BBS7: variants seen among roughly 807,000 people sequenced by gnomAD.
The protein encoded by BBS7 is Bardet-Biedl syndrome 7.
A neutral mutation model predicts 90.3 loss-of-function variants in BBS7; 50 were observed. The ratio of observed to expected loss-of-function variants is 0.55; its 90% CI spans 0.44 to 0.70. The LOEUF is 0.70. BBS7 is among the 30% of genes least tolerant of loss of function. The pLI, the probability that BBS7 is intolerant of heterozygous loss-of-function variation, is 0.00. For missense variants in BBS7, 729 were observed against 838.9 expected (o/e 0.87, Z 1.62); for synonymous variants, 235 against 287.4 (o/e 0.82, Z 1.85).
intron 8 of BBS7, among the ~76,000 whole-genome samples, chr4:121,850,108 T>C (rs1317979488): frequency 1.3e-5 from 2 of 151,948 alleles, no homozygotes; most frequent in African/African-American, 4.8e-5. Context: ...TAGGAATCTG[T>C]ATTTTTTTTT....
intron 4 of BBS7, among the ~76,000 whole-genome samples, chr4:121,860,294 A>G (rs1323180490): frequency 6.6e-6 from 1 of 152,060 alleles, no homozygotes; most frequent in Non-Finnish European, 1.5e-5. Flanking sequence ...TATTGTTGAC[A>G]TGAGTGGGGA....
At chr4:121,841,051 G>T (rs1725713677) in intron 12 of BBS7, among the ~76,000 whole-genome samples, 1 of 152,102 alleles carries the variant, frequency 6.6e-6, no homozygotes, top group African/African-American at 2.4e-5. Context: ...TGTTGGCCAG[G>T]CTGGTCTTGA....
At chr4:121,830,982 C>T (rs893020207) in intron 15 of BBS7, among the ~76,000 whole-genome samples, 1 of 151,700 alleles carries the variant, frequency 6.6e-6, no homozygotes, top group African/African-American at 2.4e-5. Context: ...CTGAGGCAGG[C>T]AGATCACGAG....
intron 7 of BBS7, 105 bp downstream of exon 7, chr4:121,854,599 T>C: frequency 9.1e-7 from 1 of 1,099,534 alleles, no homozygotes; most frequent in East Asian, 3.0e-5. Flanking sequence ...TGTGAATTGC[T>C]AAGTCTGCTA....
Position 121,861,577 on chromosome 4 carries a change from T to C in BBS7, c.268A>G (p.Ile90Val), listed in dbSNP as rs1197411330. ...EKIFIAAASE[I>V]RGFTKRGKQF... ...TTTCCTCTTTTTGTGAAGCCTCTAA[T>C]CTCAGATGCTGCAGCAATAAAAATT... is the stretch of plus-strand genomic sequence containing the variant. The change falls in exon 4 of 19, where the codon ATT becomes GTT. Residue 90 changes from isoleucine (I) to valine (V), a missense_variant. By Grantham distance (29) the Ile-to-Val change is conservative. Coordinates refer to ENST00000264499, the MANE Select transcript of BBS7 (RefSeq NM_176824.3). 4 of 1,613,758 alleles carry C rather than the reference T, an allele frequency of 2.5e-6. No homozygotes were observed. In the African/African-American group the frequency reaches 5.3e-5, roughly 22 times the overall value.
intron 15 of BBS7, among the ~76,000 whole-genome samples, chr4:121,831,511 T>C (rs1256450021): frequency 6.6e-6 from 1 of 151,632 alleles, no homozygotes; most frequent in African/African-American, 2.4e-5. Context: ...ATAAACAGTT[T>C]TGAATCTTAA....
chr4:121,867,345 T>C (rs1727342103), intron 2 of BBS7, among the ~76,000 whole-genome samples: 1 of 152,150 alleles, frequency 6.6e-6, no homozygotes, highest in African/African-American at 2.4e-5. Flanking sequence ...TTTCTATATA[T>C]AGGATCATGT....
chr4:121,843,050 G>T (rs528056404), intron 12 of BBS7, among the ~76,000 whole-genome samples: 1 of 152,206 alleles, frequency 6.6e-6, no homozygotes, highest in East Asian at 1.9e-4. Flanking sequence ...CCAATGCAGG[G>T]ATGTGTGAAA....
At chr4:121,844,533 G>GC (rs1553932404) in intron 11 of BBS7, among the ~76,000 whole-genome samples, 5 of 149,542 alleles carry the variant, frequency 3.3e-5, no homozygotes, top group Admixed American at 1.3e-4. Context: ...CTGCCTTTAG[G>GC]TTTTTTTTTT....
intron 10 of BBS7, 55 bp from the exon 11 acceptor site, chr4:121,845,751 T>C: frequency 6.8e-7 from 1 of 1,462,630 alleles, no homozygotes; most frequent in Non-Finnish European, 9.5e-7. Context: ...TTTGAGGTCG[T>C]TAGGATGTTT....
In BBS7 at chr4:121,839,673, G is replaced by A; in HGVS notation, c.1329C>T (p.Ala443=). ...DSESNDNFLL[A]TYRCQADTTR... ...TAGTATCTGCCTGGCACCGATAAGT[G>A]GCAAGAAGGAAGTTGTCGTTTGACT... Residue 443 remains alanine (A), a synonymous_variant, in exon 13 of 19, where the codon GCC becomes GCT. Coordinates refer to ENST00000264499, the MANE Select transcript of BBS7 (RefSeq NM_176824.3). 5 of 1,613,800 alleles carry A rather than the reference G, an allele frequency of 3.1e-6. No individual in the cohort carries two copies. Among genetic ancestry groups the A allele is most frequent in the Non-Finnish European group, 4.2e-6 (5 of 1,179,792 alleles).
intron 18 of BBS7, among the ~76,000 whole-genome samples, chr4:121,827,005 C>G (rs956409089): frequency 6.6e-6 from 1 of 151,940 alleles, no homozygotes. Context: ...AACAAACAAA[C>G]AAAAAATATA....
intron 2 of BBS7, among the ~76,000 whole-genome samples, chr4:121,864,678 C>T (rs910113116): frequency 6.6e-6 from 1 of 151,916 alleles, no homozygotes; most frequent in East Asian, 1.9e-4. Flanking sequence ...GGTGCTGAGA[C>T]CAAAAATTTT....
At chr4:121,863,339 T>C (rs914612490) in intron 2 of BBS7, 60 bp from the exon 3 acceptor site, 6 of 1,394,930 alleles carry the variant, frequency 4.3e-6, no homozygotes, top group Non-Finnish European at 5.1e-6. Flanking sequence ...CTAATAATTA[T>C]ATACAGGGAA....
chr4:121,860,980 T>C (rs1165279099), intron 4 of BBS7, among the ~76,000 whole-genome samples: 1 of 152,166 alleles, frequency 6.6e-6, no homozygotes, highest in Non-Finnish European at 1.5e-5. Context: ...ATATAAGAAA[T>C]AATGAATTAG....
chr4:121,839,160 C>T lies in BBS7; in HGVS notation c.1371+471G>A, dbSNP rs113584898. Reference sequence around the variant, plus strand: ...ATAAATAAAGTGGCCATGAGTTGATCATTGCTGAAGCTGTGTGATTAATAC... The same window carrying T: ...ATAAATAAAGTGGCCATGAGTTGATTATTGCTGAAGCTGTGTGATTAATAC... On this transcript the variant is annotated intron_variant, in intron 13 of 18. Coordinates refer to ENST00000264499, the MANE Select transcript of BBS7 (RefSeq NM_176824.3). 7.0e-3 allele frequency among the ~76,000 whole-genome samples: 1,058 copies of T among 152,158 alleles called. 10 individuals are homozygous for T. Among genetic ancestry groups the T allele is most frequent in the African/African-American group, 0.025 (1,019 of 41,520 alleles).
chr4:121,860,432 AAT>A (rs1471944208), intron 4 of BBS7, among the ~76,000 whole-genome samples: 1 of 152,106 alleles, frequency 6.6e-6, no homozygotes, highest in Non-Finnish European at 1.5e-5. Context: ...GGATTCAGAC[AAT>A]CAATTTTCAA....
rs897030336 is a variant in BBS7, at chr4:121,859,030, C to T, written c.490G>A (p.Val164Ile). Reference sequence around the variant, plus strand: ...AGCACTCTGTCCTGGCAGGCCAATACAGGTGTGATACGAGATAATCTTTCC... The same window carrying T: ...AGCACTCTGTCCTGGCAGGCCAATATAGGTGTGATACGAGATAATCTTTCC... ...PVERLSRITP[V>I]LACQDRVLRV... The change falls in exon 5 of 19, where the codon GTA becomes ATA. Residue 164 changes from valine (V) to isoleucine (I), a missense_variant. Coordinates refer to ENST00000264499, the MANE Select transcript of BBS7 (RefSeq NM_176824.3). 1.9e-6 allele frequency: 3 copies of T among 1,613,738 alleles called. No individual in the cohort carries two copies. The highest frequency in any genetic ancestry group is 1.3e-5 in the African/African-American group (1 of 74,868).
intron 4 of BBS7, among the ~76,000 whole-genome samples, chr4:121,859,834 ACATTT>A (rs1726885777): frequency 6.6e-6 from 1 of 152,154 alleles, no homozygotes; most frequent in Non-Finnish European, 1.5e-5. Context: ...ATTTCATATT[ACATTT>A]AACAAAATTT....
Sources: allele counts gnomAD v4.1 joint callset (sites outside exome capture counted in the v4.1 genomes callset), GRCh38; gene constraint gnomAD v4.1.1; transcripts MANE v1.5; gene names NCBI Gene and HGNC (gene_info 2026-07-23, HGNC 2026-07-21).